The following ANGPT1 variants were observed in gnomAD, a reference collection of about 807,000 sequenced individuals.
The protein encoded by ANGPT1 is angiopoietin 1, also known as angiopoietin-1.
Under a neutral mutation model 62.2 loss-of-function variants are expected in ANGPT1, and 17 were observed. The ratio of observed to expected loss-of-function variants is 0.27; its 90% CI spans 0.19 to 0.41. The LOEUF is 0.41. ANGPT1 is among the 10% of genes least tolerant of loss of function. The pLI, the probability that ANGPT1 is intolerant of heterozygous loss-of-function variation, is 1.00. For synonymous variants in ANGPT1, 199 were observed against 198.9 expected (o/e 1.00, Z 0.00); for missense variants, 478 against 594.9 (o/e 0.80, Z 2.04).
chr8:107,309,018 T>A (rs1814787004), intron 4 of ANGPT1, among the ~76,000 whole-genome samples: 1 of 152,074 alleles, frequency 6.6e-6, no homozygotes, highest in Non-Finnish European at 1.5e-5. Flanking sequence ...AGAAAAAACT[T>A]CCTGGAATGT....
intron 3 of ANGPT1, among the ~76,000 whole-genome samples, chr8:107,335,389 G>A (rs192693489): frequency 2.9e-3 from 445 of 152,220 alleles, no homozygotes; most frequent in African/African-American, 5.5e-3. Flanking sequence ...TAGATACCCC[G>A]AAGAAAAATC....
At chr8:107,481,193 A>C (rs55638121) in intron 1 of ANGPT1, among the ~76,000 whole-genome samples, 60,827 of 151,928 alleles carry the variant, frequency 0.4, 13,343 homozygotes, top group East Asian at 0.66. Flanking sequence ...TCCACCTTAC[A>C]GTCCTGATTT....
intron 1 of ANGPT1, among the ~76,000 whole-genome samples, chr8:107,426,728 T>G (rs988559148): frequency 6.6e-6 from 1 of 152,192 alleles, no homozygotes; most frequent in Non-Finnish European, 1.5e-5. Flanking sequence ...CACTATTTTG[T>G]CCTTTTCCTT....
chr8:107,438,296 ATCT>A (rs972794314), intron 1 of ANGPT1, among the ~76,000 whole-genome samples: 19 of 150,000 alleles, frequency 1.3e-4, no homozygotes, highest in East Asian at 7.8e-4. Flanking sequence ...TGATATCATC[ATCT>A]TCTTCTTCTT....
At chr8:107,383,435 A>G (rs1195154438) in intron 1 of ANGPT1, among the ~76,000 whole-genome samples, 4 of 152,136 alleles carry the variant, frequency 2.6e-5, no homozygotes, top group Non-Finnish European at 4.4e-5. Flanking sequence ...AACTGAGCTT[A>G]CTCACAACAG....
chr8:107,323,490 C>A (rs1366447998), intron 3 of ANGPT1, among the ~76,000 whole-genome samples: 1 of 152,116 alleles, frequency 6.6e-6, no homozygotes, highest in African/African-American at 2.4e-5. Flanking sequence ...GCCAAATCTT[C>A]CAACACCAGG....
chr8:107,473,369 G>T (rs1196613330), intron 1 of ANGPT1, among the ~76,000 whole-genome samples: 2 of 151,838 alleles, frequency 1.3e-5, no homozygotes, highest in Non-Finnish European at 2.9e-5. Flanking sequence ...ATGATGAAAA[G>T]CATTTCACAG....
intron 5 of ANGPT1, among the ~76,000 whole-genome samples, chr8:107,299,606 G>T (rs1205552686): frequency 2.9e-5 from 4 of 135,696 alleles, no homozygotes; most frequent in East Asian, 2.2e-4. Context: ...AGATATATAG[G>T]TATATTATAT....
chr8:107,343,258 G>A (rs1054608707), intron 2 of ANGPT1, among the ~76,000 whole-genome samples: 1 of 152,106 alleles, frequency 6.6e-6, no homozygotes, highest in African/African-American at 2.4e-5. Flanking sequence ...AAATGCCCAC[G>A]AGGAAAAATT....
intron 1 of ANGPT1, among the ~76,000 whole-genome samples, chr8:107,364,063 A>G (rs564438983): frequency 6.3e-4 from 96 of 152,154 alleles, no homozygotes; most frequent in Non-Finnish European, 1.4e-3. Context: ...CATAAAGTCT[A>G]TAGGTAATAA....
chr8:107,332,547 C>A lies in ANGPT1; in HGVS notation c.575+3603G>T, dbSNP rs149483184. Among the ~76,000 whole-genome samples, 162 of 152,280 alleles carry A rather than the reference C, an allele frequency of 1.1e-3. 1 individual carries two copies. The highest frequency in any genetic ancestry group is 3.7e-3 in the African/African-American group (152 of 41,556). ...ATGAGGCCAAAAATCCATTTCCAAT[C>A]CTACAAGTGATGCATTTAATTTGTC... On this transcript the variant is annotated intron_variant, in intron 3 of 8. Coordinates refer to ENST00000517746, the MANE Select transcript of ANGPT1 (RefSeq NM_001146.5).
intron 1 of ANGPT1, among the ~76,000 whole-genome samples, chr8:107,429,454 TG>T (rs1811121428): frequency 6.6e-6 from 1 of 152,164 alleles, no homozygotes; most frequent in African/African-American, 2.4e-5. Context: ...ACTAAAAGAA[TG>T]GGTGTCACTA....
chr8:107,389,419 T>C (rs1195810401), intron 1 of ANGPT1, among the ~76,000 whole-genome samples: 2 of 152,116 alleles, frequency 1.3e-5, no homozygotes, highest in East Asian at 3.9e-4. Context: ...GAAGGATAAT[T>C]CTGCAGGGGG....
At chr8:107,256,710 C>A (rs982925995) in intron 8 of ANGPT1, among the ~76,000 whole-genome samples, 12 of 151,926 alleles carry the variant, frequency 7.9e-5, no homozygotes, top group Admixed American at 5.9e-4. Flanking sequence ...TATCCTAGAG[C>A]AATTCATTTA....
chr8:107,423,328 G>T (rs933878978), intron 1 of ANGPT1, among the ~76,000 whole-genome samples: 1 of 152,196 alleles, frequency 6.6e-6, no homozygotes, highest in African/African-American at 2.4e-5. Context: ...TGCAGGGAGT[G>T]CTGACTGCTG....
At chr8:107,370,798 A>C (rs868042636) in intron 1 of ANGPT1, among the ~76,000 whole-genome samples, 10 of 151,972 alleles carry the variant, frequency 6.6e-5, no homozygotes, top group Middle Eastern at 3.4e-3. Flanking sequence ...AAAAAGAGGA[A>C]AATAATCACT....
intron 1 of ANGPT1, among the ~76,000 whole-genome samples, chr8:107,449,400 GCACA>G (rs10537811): frequency 1.1e-3 from 163 of 148,172 alleles, no homozygotes; most frequent in African/African-American, 2.4e-3. Context: ...ACACACACAT[GCACA>G]CACACACACA....
intron 6 of ANGPT1, among the ~76,000 whole-genome samples, chr8:107,289,654 G>A (rs895064657): frequency 3.3e-5 from 5 of 152,074 alleles, no homozygotes; most frequent in Non-Finnish European, 4.4e-5. Context: ...ATGTGAAGAT[G>A]TTAAAATATA....
Position 107,474,217 on chromosome 8 carries a change from C to A in ANGPT1, c.297+23045G>T, listed in dbSNP as rs549782170. Among the ~76,000 whole-genome samples the A allele has an allele frequency of 9.2e-5, 14 of 151,692 alleles. No individual in the cohort carries two copies. The South Asian group carries it at 2.9e-3, about 32-fold the overall frequency. ...AATACTGGCAAACCGAATCCAGCAA[C>A]ATCAAAAAGCTTATCCACCATGATC... On this transcript the variant is annotated intron_variant, in intron 1 of 8. Coordinates refer to ENST00000517746, the MANE Select transcript of ANGPT1 (RefSeq NM_001146.5).
Sources: gnomAD v4.1 joint callset for allele counts (sites outside exome capture counted in the v4.1 genomes callset) on GRCh38, gnomAD v4.1.1 for gene constraint, MANE v1.5 for transcripts, NCBI Gene and HGNC (gene_info 2026-07-23, HGNC 2026-07-21) for gene names.